The following ME3 variants were observed in gnomAD, a reference collection of about 807,000 sequenced individuals.
ME3 encodes the protein malic enzyme 3.
ME3 carries 48 observed loss-of-function variants against 68.9 expected under a neutral mutation model. That is an observed-to-expected ratio of 0.70 (90% CI 0.55 to 0.89). The LOEUF is 0.89. Ranked by LOEUF, ME3 falls within the 40% of genes least tolerant of loss-of-function variation. The pLI is 0.00. For missense variants in ME3, 675 were observed against 797.4 expected (o/e 0.85, Z 1.85); for synonymous variants, 320 against 318.8 (o/e 1.00, Z -0.04).
intron 7 of ME3, among the ~76,000 whole-genome samples, chr11:86,477,818 G>A (rs974663834): frequency 3.3e-5 from 5 of 152,102 alleles, no homozygotes; most frequent in African/African-American, 1.2e-4. Flanking sequence ...AGAGTTGGGT[G>A]CTAGTATGCA....
At chr11:86,583,284 G>C (rs937909375) in intron 2 of ME3, among the ~76,000 whole-genome samples, 7 of 152,182 alleles carry the variant, frequency 4.6e-5, no homozygotes, top group African/African-American at 1.7e-4. Flanking sequence ...TGGGGGAGTT[G>C]ACACAGCAGA....
At chr11:86,611,389 A>G (rs1442847067) in intron 2 of ME3, among the ~76,000 whole-genome samples, 1 of 152,272 alleles carries the variant, frequency 6.6e-6, no homozygotes, top group African/African-American at 2.4e-5. Context: ...ACTATAGTTA[A>G]TAAGAATTGT....
intron 2 of ME3, among the ~76,000 whole-genome samples, chr11:86,623,457 T>C (rs1001151552): frequency 6.6e-6 from 1 of 152,244 alleles, no homozygotes; most frequent in Non-Finnish European, 1.5e-5. Flanking sequence ...CAAATTCCTA[T>C]AATAAATCTC....
Position 86,461,585 on chromosome 11 carries a change from T to C in ME3, c.919+3506A>G, listed in dbSNP as rs545996228. On this transcript the variant is annotated intron_variant, in intron 8 of 14. Transcript: ENST00000543262. ...GCTCCATGGGGAGCTTGAGTTGTCC[T>C]GCACTGGGCTAAAATAGTTAAGCCT... 4.6e-5 allele frequency among the ~76,000 whole-genome samples: 7 copies of C among 152,334 alleles called. No homozygotes were observed. The East Asian group carries it at 1.2e-3, about 25-fold the overall frequency.
intron 2 of ME3, among the ~76,000 whole-genome samples, chr11:86,653,387 C>T (rs1396909005): frequency 1.3e-5 from 2 of 152,202 alleles, no homozygotes; most frequent in African/African-American, 2.4e-5. Context: ...AAAATTATAA[C>T]AAACTGTCTC....
chr11:86,467,524 A>C (rs1031580886), intron 7 of ME3, among the ~76,000 whole-genome samples: 6 of 152,136 alleles, frequency 3.9e-5, no homozygotes, highest in Non-Finnish European at 8.8e-5. Flanking sequence ...TGCTGGTGAC[A>C]TTTTGCTATA....
chr11:86,591,792 G>A (rs181246349), intron 2 of ME3, among the ~76,000 whole-genome samples: 6 of 152,154 alleles, frequency 3.9e-5, no homozygotes, highest in Non-Finnish European at 2.9e-5. Flanking sequence ...ATCAGATCTC[G>A]TGAGACTTAT....
chr11:86,568,701 T>A (rs1433563582), intron 2 of ME3, among the ~76,000 whole-genome samples: 1 of 152,226 alleles, frequency 6.6e-6, no homozygotes, highest in Non-Finnish European at 1.5e-5. Flanking sequence ...CCAGTGCCCA[T>A]TCCTTATGTC....
At chr11:86,592,851 A>G (rs1489544801) in intron 2 of ME3, among the ~76,000 whole-genome samples, 1 of 152,172 alleles carries the variant, frequency 6.6e-6, no homozygotes, top group East Asian at 1.9e-4. Flanking sequence ...TCACTCCTTC[A>G]GAAAGGGGCA....
intron 2 of ME3, among the ~76,000 whole-genome samples, chr11:86,571,993 A>C (rs1957825232): frequency 6.6e-6 from 1 of 152,228 alleles, no homozygotes; most frequent in Non-Finnish European, 1.5e-5. Flanking sequence ...CAACTTTCAC[A>C]GTGAGTGATT....
intron 4 of ME3, among the ~76,000 whole-genome samples, chr11:86,525,862 C>CAAAAAAAAAAAAAAA (rs774590648): frequency 9.7e-6 from 1 of 102,642 alleles, no homozygotes; most frequent in Non-Finnish European, 2.1e-5. Context: ...AACTCTGTCT[C>CAAAAAAAAAAAAAAA]AAAAAAAAAA....
In ME3 at chr11:86,462,522, A is replaced by G; in HGVS notation, c.919+2569T>C. 3 of 1,194,000 alleles carry G rather than the reference A, an allele frequency of 2.5e-6. No individual in the cohort carries two copies. In the South Asian group the frequency reaches 4.8e-5, roughly 19 times the overall value. 74.0% of individuals were successfully genotyped at this position (1,194,000 alleles called of 1,614,324 possible). On this transcript the variant is annotated intron_variant, in intron 8 of 14. Coordinates refer to ENST00000543262, the Ensembl canonical transcript of ME3. Reference sequence around the variant, plus strand: ...CTGTACATGAATGATGACCTGGATAACAGAGAGGCTGCAGGGGCAGGTGTC... The same window carrying G: ...CTGTACATGAATGATGACCTGGATAGCAGAGAGGCTGCAGGGGCAGGTGTC...
intron 2 of ME3, among the ~76,000 whole-genome samples, chr11:86,638,287 A>T (rs1944466925): frequency 6.6e-6 from 1 of 152,196 alleles, no homozygotes; most frequent in African/African-American, 2.4e-5. Flanking sequence ...ATGCCTGGGT[A>T]CACACACAGC....
intron 2 of ME3, 105 bp from the exon 3 acceptor site, chr11:86,559,928 T>A: frequency 2.4e-6 from 3 of 1,248,402 alleles, no homozygotes; most frequent in East Asian, 5.2e-5. Flanking sequence ...TGTGACTCAG[T>A]AGAAAGGGCC....
intron 4 of ME3, among the ~76,000 whole-genome samples, chr11:86,535,232 A>G (rs535306410): frequency 6.6e-6 from 1 of 152,206 alleles, no homozygotes; most frequent in Admixed American, 6.5e-5. Flanking sequence ...CCACCCCCTT[A>G]CAATCCAAGG....
At chr11:86,654,107 G>A (rs1249434062) in intron 2 of ME3, among the ~76,000 whole-genome samples, 1 of 152,092 alleles carries the variant, frequency 6.6e-6, no homozygotes, top group African/African-American at 2.4e-5. Flanking sequence ...ATAATTAATA[G>A]CTTACCAACC....
intron 2 of ME3, among the ~76,000 whole-genome samples, chr11:86,595,974 C>A (rs4592448): frequency 0.85 from 129,083 of 152,234 alleles, 54,897 homozygotes; most frequent in Middle Eastern, 0.89. Context: ...CCTCCATGCA[C>A]TAAACAACAG....
chr11:86,535,979 C>G (rs1386743940), intron 4 of ME3, among the ~76,000 whole-genome samples: 1 of 152,184 alleles, frequency 6.6e-6, no homozygotes, highest in Non-Finnish European at 1.5e-5. Flanking sequence ...ACAAATTTGT[C>G]TCCTGACCAC....
At chr11:86,587,678 C>T (rs1958820150) in intron 2 of ME3, among the ~76,000 whole-genome samples, 1 of 152,188 alleles carries the variant, frequency 6.6e-6, no homozygotes, top group African/African-American at 2.4e-5. Flanking sequence ...AGCCGTCATT[C>T]ACGGTTTGTG....
Sources: gnomAD v4.1 joint callset for allele counts (sites outside exome capture counted in the v4.1 genomes callset) on GRCh38, gnomAD v4.1.1 for gene constraint, MANE v1.5 for transcripts, NCBI Gene and HGNC (gene_info 2026-07-23, HGNC 2026-07-21) for gene names.